KIAA0825: variants seen among roughly 807,000 people sequenced by gnomAD.
KIAA0825 encodes uncharacterized protein KIAA0825.
Under a neutral mutation model 147.6 loss-of-function variants are expected in KIAA0825, and 119 were observed. The observed-to-expected ratio is 0.81, with a 90% CI of 0.69 to 0.94. The LOEUF (loss-of-function observed/expected upper bound fraction) is 0.94. Ranked by LOEUF, KIAA0825 falls within the 40% of genes least tolerant of loss-of-function variation. The pLI, the probability that KIAA0825 is intolerant of heterozygous loss-of-function variation, is 0.00. For synonymous variants in KIAA0825, 470 were observed against 518.1 expected (o/e 0.91, Z 1.26); for missense variants, 1,381 against 1,472.7 (o/e 0.94, Z 1.02).
At chr5:94,511,489 A>G (rs1023956757) in intron 5 of KIAA0825, among the ~76,000 whole-genome samples, 6 of 152,148 alleles carry the variant, frequency 3.9e-5, no homozygotes, top group Admixed American at 2.0e-4. Context: ...ACGTGGTGGC[A>G]CATGCCTGTA....
chr5:94,532,696 ATTT>A (rs772203748), intron 3 of KIAA0825, among the ~76,000 whole-genome samples: 1 of 135,144 alleles, frequency 7.4e-6, no homozygotes, highest in Non-Finnish European at 1.6e-5. Flanking sequence ...GCCTGGGCTA[ATTT>A]TTTTTTTTTT....
At chr5:94,322,521 C>A (rs935836670) in intron 20 of KIAA0825, among the ~76,000 whole-genome samples, 1 of 151,874 alleles carries the variant, frequency 6.6e-6, no homozygotes, top group Non-Finnish European at 1.5e-5. Flanking sequence ...CTGCATTCTA[C>A]AGGCATGCCT....
At chr5:94,460,396 T>TG (rs570818179) in intron 12 of KIAA0825, among the ~76,000 whole-genome samples, 4 of 152,126 alleles carry the variant, frequency 2.6e-5, no homozygotes, top group Non-Finnish European at 5.9e-5. Flanking sequence ...TTTAAAATCA[T>TG]GTATTCCTGT....
chr5:94,185,534 AT>A (rs1295271289), intron 20 of KIAA0825, among the ~76,000 whole-genome samples: 5 of 152,102 alleles, frequency 3.3e-5, no homozygotes, highest in African/African-American at 1.2e-4. Flanking sequence ...ACCTTTCCTT[AT>A]TTTAAGTTTT....
At chr5:94,231,298 AAG>A (rs1774680141) in intron 20 of KIAA0825, among the ~76,000 whole-genome samples, 1 of 152,156 alleles carries the variant, frequency 6.6e-6, no homozygotes, top group South Asian at 2.1e-4. Context: ...ATATCAGAAT[AAG>A]TTTATGTGGG....
At chr5:94,240,480 A>T (rs1775291407) in intron 20 of KIAA0825, among the ~76,000 whole-genome samples, 1 of 152,150 alleles carries the variant, frequency 6.6e-6, no homozygotes, top group South Asian at 2.1e-4. Context: ...GGGCTGACTT[A>T]GTTTAGTTTA....
intron 5 of KIAA0825, among the ~76,000 whole-genome samples, chr5:94,496,078 T>C (rs549509138): frequency 4.6e-4 from 70 of 151,874 alleles, no homozygotes; most frequent in African/African-American, 1.6e-3. Flanking sequence ...AAGGGAAAGG[T>C]GGTGAGAGGC....
At chr5:94,190,227 ACATC>A (rs1214378286) in intron 20 of KIAA0825, among the ~76,000 whole-genome samples, 14 of 152,324 alleles carry the variant, frequency 9.2e-5, no homozygotes, top group Non-Finnish European at 1.8e-4. Flanking sequence ...GCAAAGAAGG[ACATC>A]TTTACTTCTC....
chr5:94,404,684 A>G (rs1360842628), intron 15 of KIAA0825, among the ~76,000 whole-genome samples: 1 of 152,164 alleles, frequency 6.6e-6, no homozygotes, highest in Non-Finnish European at 1.5e-5. Flanking sequence ...ATTATTTCAA[A>G]TGATAATAAT....
intron 14 of KIAA0825, among the ~76,000 whole-genome samples, chr5:94,422,960 G>A (rs1754389633): frequency 6.6e-6 from 1 of 152,208 alleles, no homozygotes; most frequent in Non-Finnish European, 1.5e-5. Context: ...TAACAAAAGA[G>A]GAGTGACTCA....
intron 20 of KIAA0825, among the ~76,000 whole-genome samples, chr5:94,347,098 A>G (rs368285262): frequency 1.3e-5 from 2 of 152,120 alleles, no homozygotes; most frequent in African/African-American, 2.4e-5. Context: ...CTTCCTAGGT[A>G]TACAACTCCA....
chr5:94,356,463 T>A (rs1455037531), intron 20 of KIAA0825, among the ~76,000 whole-genome samples: 2 of 150,106 alleles, frequency 1.3e-5, no homozygotes, highest in Non-Finnish European at 3.0e-5. Context: ...AAAAAAAAAA[T>A]TAGCCTGGTG....
intron 15 of KIAA0825, among the ~76,000 whole-genome samples, chr5:94,407,655 G>A (rs1158782064): frequency 6.6e-6 from 1 of 152,176 alleles, no homozygotes; most frequent in Non-Finnish European, 1.5e-5. Flanking sequence ...TATAGAGACA[G>A]AAAGTAGATT....
At chr5:94,305,190 AC>A (rs1778645705) in intron 20 of KIAA0825, among the ~76,000 whole-genome samples, 2 of 152,150 alleles carry the variant, frequency 1.3e-5, no homozygotes, top group African/African-American at 4.8e-5. Context: ...GTATTTTGTC[AC>A]CAAGATTTTG....
chr5:94,223,031 T>G (rs1213927534), intron 20 of KIAA0825, among the ~76,000 whole-genome samples: 1 of 152,176 alleles, frequency 6.6e-6, no homozygotes, highest in African/African-American at 2.4e-5. Flanking sequence ...CATGCTGTAC[T>G]TAGATCTAGA....
At chr5:94,423,340 T>A (rs1754438671) in intron 14 of KIAA0825, among the ~76,000 whole-genome samples, 2 of 152,338 alleles carry the variant, frequency 1.3e-5, no homozygotes, top group South Asian at 4.1e-4. Context: ...TCAAATGTTT[T>A]ATAGATTATA....
intron 20 of KIAA0825, among the ~76,000 whole-genome samples, chr5:94,219,022 T>A (rs1408589760): frequency 6.6e-6 from 1 of 152,146 alleles, no homozygotes; most frequent in African/African-American, 2.4e-5. Flanking sequence ...AAGTAGCTCA[T>A]AAAGGTCCCC....
intron 20 of KIAA0825, among the ~76,000 whole-genome samples, chr5:94,237,774 G>A (rs530050639): frequency 5.8e-4 from 89 of 152,278 alleles, no homozygotes; most frequent in African/African-American, 1.9e-3. Context: ...GAAGCCCAAT[G>A]ATATAAACTA....
intron 20 of KIAA0825, among the ~76,000 whole-genome samples, chr5:94,312,004 T>C (rs750017275): frequency 6.6e-6 from 1 of 151,618 alleles, no homozygotes; most frequent in Non-Finnish European, 1.5e-5. Flanking sequence ...TCAGTGTCAC[T>C]CTCTCCATTA....
Sources: allele counts gnomAD v4.1 joint callset (sites outside exome capture counted in the v4.1 genomes callset), GRCh38; gene constraint gnomAD v4.1.1; transcripts MANE v1.5; gene names NCBI Gene and HGNC (gene_info 2026-07-23, HGNC 2026-07-21).